Variants in NAALAD2 observed in about 807,000 individuals in gnomAD.
NAALAD2 encodes the protein N-acetylated-alpha-linked acidic dipeptidase 2.
In NAALAD2, 89 loss-of-function variants were observed where a neutral mutation model predicts 95.6. That is an observed-to-expected ratio of 0.93 (90% CI 0.78 to 1.11). NAALAD2 has a LOEUF of 1.11. NAALAD2 is among the 50% of genes least tolerant of loss of function. NAALAD2 has a pLI of 0.00. For synonymous variants in NAALAD2, 264 were observed against 294.4 expected (o/e 0.90, Z 1.06); for missense variants, 894 against 872.4 (o/e 1.02, Z -0.31).
chr11:90,166,352 G>A lies in NAALAD2; in HGVS notation c.1279-2577G>A, dbSNP rs187510110. On this transcript the variant is annotated intron_variant, in intron 11 of 18. Transcript: ENST00000534061. The stretch of plus-strand genomic sequence containing the variant: ...GAGAGAGCGAAAGAGTCTTATTTTT[G>A]TCTTAATGTGTGCCTCCTCTAATTT... Among the ~76,000 whole-genome samples, 18 of 152,150 alleles carry A rather than the reference G, an allele frequency of 1.2e-4. No homozygotes were observed. The East Asian group carries it at 3.5e-3, about 29-fold the overall frequency.
chr11:90,141,227 A>C (rs143799726), intron 2 of NAALAD2, among the ~76,000 whole-genome samples: 123 of 152,244 alleles, frequency 8.1e-4, no homozygotes, highest in African/African-American at 2.8e-3. Context: ...TTACCTTTTC[A>C]TTTAAAATAT....
chr11:90,170,038 A>C, intron 12 of NAALAD2, 31 bp from the exon 13 acceptor site: 1 of 1,304,720 alleles, frequency 7.7e-7, no homozygotes, highest in Non-Finnish European at 1.1e-6. Context: ...AGAAGTATGA[A>C]ATAATACTCT....
intron 15 of NAALAD2, among the ~76,000 whole-genome samples, chr11:90,177,586 GTTTTTTT>G (rs57694347): frequency 5.3e-4 from 15 of 28,442 alleles, no homozygotes; most frequent in African/African-American, 2.1e-3. Flanking sequence ...TCTTTTTCTT[GTTTTTTT>G]TTTTTTTTTT....
intron 12 of NAALAD2, 70 bp from the exon 13 acceptor site, chr11:90,169,997 AAG>A: frequency 1.1e-6 from 1 of 919,332 alleles, no homozygotes; most frequent in South Asian, 1.4e-5. Context: ...TTAGAAAATA[AAG>A]TTAGAATTAA....
intron 12 of NAALAD2, chr11:90,169,356 A>G (rs1333855996): frequency 1.8e-5 from 3 of 169,258 alleles, no homozygotes; most frequent in South Asian, 3.3e-4. Context: ...TTTGCAGACT[A>G]TTCTGTGTAG....
chr11:90,134,892 G>A, intron 1 of NAALAD2, 52 bp downstream of exon 1: 2 of 1,585,460 alleles, frequency 1.3e-6, no homozygotes, highest in Non-Finnish European at 1.7e-6. Context: ...ATTCTCTGCA[G>A]AGATAAAGGG....
At chr11:90,163,285 G>A (rs1952346803) in intron 9 of NAALAD2, 25 bp from the exon 10 acceptor site, 4 of 1,597,010 alleles carry the variant, frequency 2.5e-6, no homozygotes, top group African/African-American at 1.4e-5. Context: ...AAAGTTGTAG[G>A]TTTCTTGAAC....
In NAALAD2 at chr11:90,191,887, G is replaced by A; in HGVS notation, c.*140G>A. The A allele has an allele frequency of 1.8e-6, 1 of 543,332 alleles. No individual in the cohort carries two copies. The highest frequency in any genetic ancestry group is 2.8e-6 in the Non-Finnish European group (1 of 352,926). 33.7% of individuals were successfully genotyped at this position (543,332 alleles called of 1,614,324 possible). ...ATTATAGGCTTTGGTCTTTTCATCT[G>A]CAAAGCCTTTTTTTTTTGCTCTTTA... On this transcript the variant is annotated 3_prime_UTR_variant, in exon 19 of 19. Transcript: ENST00000534061.
chr11:90,166,753 T>G (rs1486065072), intron 11 of NAALAD2, among the ~76,000 whole-genome samples: 1 of 150,386 alleles, frequency 6.6e-6, no homozygotes, highest in Non-Finnish European at 1.5e-5. Flanking sequence ...GAGAATGGCG[T>G]GAACCCGGGA....
chr11:90,139,985 G>T (rs771217909), intron 2 of NAALAD2, among the ~76,000 whole-genome samples: 22 of 151,760 alleles, frequency 1.4e-4, no homozygotes, highest in Non-Finnish European at 2.5e-4. Context: ...TATCATTAGT[G>T]GCACTTTGTA....
intron 11 of NAALAD2, among the ~76,000 whole-genome samples, chr11:90,164,792 CT>C (rs1401839387): frequency 2.0e-5 from 3 of 152,104 alleles, no homozygotes; most frequent in African/African-American, 7.2e-5. Context: ...ATTTTAAAAA[CT>C]AGGTGAAGAG....
chr11:90,147,555 C>T (rs181662708), intron 3 of NAALAD2, 39 bp downstream of exon 3: 519 of 1,542,342 alleles, frequency 3.4e-4, no homozygotes, highest in Non-Finnish European at 4.0e-4. Flanking sequence ...TTTTGCAATC[C>T]GACCGTTTTA....
chr11:90,179,360 G>C (rs1236554220), intron 16 of NAALAD2, among the ~76,000 whole-genome samples: 1 of 151,970 alleles, frequency 6.6e-6, no homozygotes, highest in East Asian at 1.9e-4. Flanking sequence ...AGTCTCATGT[G>C]GGGAATAAAG....
intron 17 of NAALAD2, 48 bp from the exon 18 acceptor site, chr11:90,182,868 C>A: frequency 8.4e-7 from 1 of 1,196,596 alleles, no homozygotes; most frequent in Non-Finnish European, 1.2e-6. Context: ...ATTTTTGAAG[C>A]ATGATTCTGC....
intron 7 of NAALAD2, 107 bp from the exon 8 acceptor site, chr11:90,159,132 G>A (rs998937287): frequency 1.1e-6 from 1 of 878,614 alleles, no homozygotes; most frequent in Non-Finnish European, 1.8e-6. Context: ...CTTAGTAAAT[G>A]ACAAATATTT....
At chr11:90,165,847 GT>G (rs1345860181) in intron 11 of NAALAD2, among the ~76,000 whole-genome samples, 2 of 152,180 alleles carry the variant, frequency 1.3e-5, no homozygotes, top group East Asian at 3.9e-4. Flanking sequence ...ACATGCATCT[GT>G]TTTTTAAATT....
At chr11:90,148,909 G>A in intron 3 of NAALAD2, 97 bp from the exon 4 acceptor site, 1 of 642,458 alleles carries the variant, frequency 1.6e-6, no homozygotes, top group Non-Finnish European at 2.7e-6. Context: ...CTTGTTCCAG[G>A]ATGCTTAATC....
rs1212591270 is a variant in NAALAD2 at position 90,192,588 on chromosome 11, A to C, written c.*841A>C. 1 of 152,010 alleles carries C rather than the reference A, an allele frequency of 6.6e-6. No homozygotes were observed. Among genetic ancestry groups the C allele is most frequent in the Non-Finnish European group, 1.5e-5 (1 of 67,914 alleles). 9.4% of individuals were successfully genotyped at this position (152,010 alleles called of 1,614,324 possible). A position where few individuals can be genotyped will look rare whatever the true frequency, so the allele number is the denominator to read the frequency against. On this transcript the variant is annotated 3_prime_UTR_variant, in exon 19 of 19. Transcript: ENST00000534061. ...ATTTATTGTATGAAAATTAAGCCTCAATAAACGTGATTATAAAAAACAAGT... is the reference window on the plus strand; with the variant it reads ...ATTTATTGTATGAAAATTAAGCCTCCATAAACGTGATTATAAAAAACAAGT...
chr11:90,177,165 G>A (rs778603500), intron 15 of NAALAD2, among the ~76,000 whole-genome samples: 36 of 152,006 alleles, frequency 2.4e-4, no homozygotes, highest in Non-Finnish European at 4.6e-4. Context: ...ATATTTATAC[G>A]GGATACTACT....
Sources: allele counts gnomAD v4.1 joint callset (sites outside exome capture counted in the v4.1 genomes callset), GRCh38; gene constraint gnomAD v4.1.1; transcripts MANE v1.5; gene names NCBI Gene and HGNC (gene_info 2026-07-23, HGNC 2026-07-21).